CDH23: variants seen among roughly 807,000 people sequenced by gnomAD.
CDH23 encodes cadherin related 23.
CDH23 carries 189 observed loss-of-function variants against 317.1 expected under a neutral mutation model. That is an observed-to-expected ratio of 0.60 (90% CI 0.53 to 0.67). CDH23 has a LOEUF of 0.67. Among genes scored for constraint, CDH23 ranks in the 30% least tolerant of loss-of-function variants. The pLI is 0.00. For missense variants in CDH23, 4,401 were observed against 4,592.4 expected (o/e 0.96, Z 1.20); for synonymous variants, 1,839 against 1,876.8 (o/e 0.98, Z 0.52).
At chr10:71,756,282 C>G (rs1179712462) in intron 38 of CDH23, among the ~76,000 whole-genome samples, 1 of 152,172 alleles carries the variant, frequency 6.6e-6, no homozygotes, top group Admixed American at 6.5e-5. Flanking sequence ...GCAAATACAG[C>G]AGACGCAGCA....
chr10:71,421,571 A>G (rs1004756152), intron 1 of CDH23, among the ~76,000 whole-genome samples: 1 of 152,194 alleles, frequency 6.6e-6, no homozygotes, highest in Non-Finnish European at 1.5e-5. Context: ...AAAATAAACC[A>G]CCTACTGCTC....
At chr10:71,532,732 T>TG (rs797002099) in intron 6 of CDH23, among the ~76,000 whole-genome samples, 52,588 of 118,926 alleles carry the variant, frequency 0.44, 9,913 homozygotes, top group East Asian at 0.63. Flanking sequence ...TTTTTGTTTT[T>TG]TTTTTTTTTT....
intron 11 of CDH23, among the ~76,000 whole-genome samples, chr10:71,643,565 C>CA (rs567738105): frequency 9.2e-5 from 14 of 151,688 alleles, no homozygotes; most frequent in Admixed American, 5.2e-4. Context: ...CCTTGCCCCC[C>CA]CCTCACCTCC....
intron 27 of CDH23, among the ~76,000 whole-genome samples, chr10:71,709,468 AG>A (rs1478242724): frequency 3.3e-5 from 5 of 152,224 alleles, no homozygotes; most frequent in African/African-American, 1.2e-4. Context: ...CTGCAAATCC[AG>A]GCAAGCCAGC....
At chr10:71,793,128 A>C in intron 47 of CDH23, 54 bp from the exon 48 acceptor site, 1 of 1,359,792 alleles carries the variant, frequency 7.4e-7, no homozygotes. Flanking sequence ...GTCTTGGTAG[A>C]TCTTTCTGGA....
At chr10:71,537,593 A>G (rs1564639707) in intron 6 of CDH23, among the ~76,000 whole-genome samples, 1 of 152,198 alleles carries the variant, frequency 6.6e-6, no homozygotes, top group Admixed American at 6.5e-5. Context: ...TTGATGTCCA[A>G]GGAGCCCAGT....
intron 1 of CDH23, among the ~76,000 whole-genome samples, chr10:71,428,805 G>T (rs1849237070): frequency 6.6e-6 from 1 of 151,924 alleles, no homozygotes; most frequent in African/African-American, 2.4e-5. Context: ...GGCCAGACTG[G>T]TCTCAAACTC....
chr10:71,423,763 G>A (rs1211587175), intron 1 of CDH23, among the ~76,000 whole-genome samples: 2 of 152,176 alleles, frequency 1.3e-5, no homozygotes, highest in Non-Finnish European at 2.9e-5. Context: ...GGAAAATGAG[G>A]TGGTGTTCCT....
At chr10:71,430,792 C>T (rs1173828400) in intron 1 of CDH23, among the ~76,000 whole-genome samples, 3 of 152,084 alleles carry the variant, frequency 2.0e-5, no homozygotes, top group Admixed American at 2.0e-4. Flanking sequence ...TGCACTCCAG[C>T]CTGGGTGACA....
intron 14 of CDH23, among the ~76,000 whole-genome samples, chr10:71,657,006 G>A (rs1264677964): frequency 1.3e-5 from 2 of 152,202 alleles, no homozygotes; most frequent in East Asian, 3.8e-4. Flanking sequence ...ATCCAACCAC[G>A]CAGGTGGGGA....
intron 45 of CDH23, 29 bp downstream of exon 45, chr10:71,789,071 T>G: frequency 9.2e-6 from 10 of 1,088,418 alleles, no homozygotes; most frequent in Non-Finnish European, 1.4e-5. Context: ...CGGGAGCTCC[T>G]GCTGTTGCCA....
chr10:71,702,457 G>A, intron 23 of CDH23, 92 bp from the exon 24 acceptor site: 2 of 1,514,372 alleles, frequency 1.3e-6, no homozygotes, highest in East Asian at 4.5e-5. Context: ...CTCTGAATCT[G>A]CCACCCTCTC....
intron 1 of CDH23, among the ~76,000 whole-genome samples, chr10:71,425,980 G>A (rs1849059366): frequency 6.6e-6 from 1 of 152,194 alleles, no homozygotes; most frequent in South Asian, 2.1e-4. Flanking sequence ...GCAAAGGAGA[G>A]AAGAAGGTGG....
intron 30 of CDH23, among the ~76,000 whole-genome samples, chr10:71,726,552 G>T (rs1168621535): frequency 6.6e-6 from 1 of 152,214 alleles, no homozygotes; most frequent in African/African-American, 2.4e-5. Context: ...CCCTGAGTGA[G>T]ACCTGCCCTG....
At chr10:71,538,716 A>G (rs1855836980) in intron 6 of CDH23, among the ~76,000 whole-genome samples, 1 of 152,194 alleles carries the variant, frequency 6.6e-6, no homozygotes, top group East Asian at 1.9e-4. Context: ...AGGAGTTTGC[A>G]ATCATTCATA....
chr10:71,798,245 G>A, intron 49 of CDH23, 109 bp from the exon 50 acceptor site: 1 of 766,378 alleles, frequency 1.3e-6, no homozygotes, highest in Non-Finnish European at 2.3e-6. Context: ...AGCCTCTGGG[G>A]GGCTGTGGGA....
chr10:71,694,937 G>A (rs1033793536), intron 21 of CDH23, among the ~76,000 whole-genome samples: 2 of 152,230 alleles, frequency 1.3e-5, no homozygotes, highest in Non-Finnish European at 2.9e-5. Context: ...GTATCGCGTG[G>A]CCAGGGATTT....
At chr10:71,607,414 C>T (rs1169572258) in intron 9 of CDH23, among the ~76,000 whole-genome samples, 1 of 152,254 alleles carries the variant, frequency 6.6e-6, no homozygotes, top group Admixed American at 6.5e-5. Flanking sequence ...CAGTTTCTTC[C>T]TCTGTAAAAT....
intron 27 of CDH23, among the ~76,000 whole-genome samples, chr10:71,709,999 T>C (rs752753701): frequency 6.6e-6 from 1 of 152,124 alleles, no homozygotes; most frequent in Non-Finnish European, 1.5e-5. Context: ...TCAGATCTCA[T>C]GAGACTTATT....
Sources: gnomAD v4.1 joint callset for allele counts (sites outside exome capture counted in the v4.1 genomes callset) on GRCh38, gnomAD v4.1.1 for gene constraint, MANE v1.5 for transcripts, NCBI Gene and HGNC (gene_info 2026-07-23, HGNC 2026-07-21) for gene names.